The following SDHAF2 variants were observed in gnomAD, a reference collection of about 807,000 sequenced individuals.
SDHAF2 encodes the protein succinate dehydrogenase assembly factor 2, mitochondrial.
In SDHAF2, 21 loss-of-function variants were observed where a neutral mutation model predicts 18.5. The observed-to-expected ratio is 1.13, with a 90% confidence interval of 0.80 to 1.63. SDHAF2 has a LOEUF of 1.63. SDHAF2 is among the 40% of genes most tolerant of loss of function. SDHAF2 has a pLI of 0.00. For synonymous variants in SDHAF2, 84 were observed against 70.7 expected (o/e 1.19, Z -0.94); for missense variants, 195 against 200.3 (o/e 0.97, Z 0.16).
Position 61,446,142 on chromosome 11 carries a change from G to T in SDHAF2, c.*71G>T. 2.5e-6 allele frequency: 4 copies of T among 1,584,164 alleles called. No individual in the cohort carries two copies. The highest frequency in any genetic ancestry group is 3.5e-6 in the Non-Finnish European group (4 of 1,156,132). On this transcript the variant is annotated 3_prime_UTR_variant, in exon 4 of 4. Transcript: ENST00000301761. Reference sequence around the variant, plus strand: ...ACTACTTATGATGGACGTTAGCCTTGCTTCCGGCTTCTTAGATGCCCAGCT... The same window carrying T: ...ACTACTTATGATGGACGTTAGCCTTTCTTCCGGCTTCTTAGATGCCCAGCT...
At position 61,446,044 on chromosome 11, in the gene SDHAF2, T is replaced by C. The variant is rs1315164835; in HGVS notation, c.474T>C (p.Leu158=). ...NKEQRLRAPD[L]EYLFEKPR is the part of the protein sequence containing the mutation. ...AGCAGAGACTGCGTGCCCCAGATCT[T>C]GAGTACCTCTTTGAAAAGCCACGTT... Residue 158 remains leucine (L), a synonymous_variant, in exon 4 of 4, where the codon CTT becomes CTC. Transcript: ENST00000301761. 6.2e-7 allele frequency: 1 copy of C among 1,614,208 alleles called. No homozygotes were observed. Among genetic ancestry groups the C allele is most frequent in the Non-Finnish European group, 8.5e-7 (1 of 1,180,042 alleles).
chr11:61,444,702 C>T (rs1862116938), intron 3 of SDHAF2, among the ~76,000 whole-genome samples: 1 of 152,182 alleles, frequency 6.6e-6, no homozygotes, highest in South Asian at 2.1e-4. Context: ...CAGATCGCAC[C>T]ACTGCACTCC....
At chr11:61,434,122 G>T (rs1861965610) in intron 1 of SDHAF2, 1 of 152,204 alleles carries the variant, frequency 6.6e-6, no homozygotes, top group Non-Finnish European at 1.5e-5. Flanking sequence ...TGTTAATTGA[G>T]ATCTGTTAGG....
At chr11:61,438,235 C>A in intron 3 of SDHAF2, 122 bp downstream of exon 3, 1 of 782,078 alleles carries the variant, frequency 1.3e-6, no homozygotes, top group Non-Finnish European at 2.2e-6. Context: ...GTTTCACTCT[C>A]GTTGCCCAGG....
At position 61,441,882 on chromosome 11, in the gene SDHAF2, C is replaced by T. The variant is rs940581191; in HGVS notation, c.370+3769C>T. On this transcript the variant is annotated intron_variant, in intron 3 of 3. Coordinates refer to ENST00000301761, the MANE Select transcript of SDHAF2 (RefSeq NM_017841.4). ...TCTTCAAATTCCGCCCCCCACCACT[C>T]CTCCCTTTTTTTTTTTTTTGAGACA... Among the ~76,000 whole-genome samples, 3 of 115,434 alleles carry T rather than the reference C, an allele frequency of 2.6e-5. No homozygotes were observed. In the Admixed American group the frequency reaches 3.7e-4, roughly 14 times the overall value. 75.7% of individuals were successfully genotyped at this position (115,434 alleles called of 152,430 possible).
At chr11:61,430,287 C>T in intron 1 of SDHAF2, 105 bp downstream of exon 1, 1 of 1,474,626 alleles carries the variant, frequency 6.8e-7, no homozygotes, top group Non-Finnish European at 9.4e-7. Context: ...TGCCCGATAG[C>T]GCAGGGCAAG....
intron 1 of SDHAF2, chr11:61,436,658 A>G (rs907032613): frequency 2.7e-6 from 1 of 368,536 alleles, no homozygotes; most frequent in African/African-American, 2.1e-5. Flanking sequence ...GGAAGAGACT[A>G]TGGCAAATGA....
intron 1 of SDHAF2, chr11:61,436,958 C>T (rs928594371): frequency 4.0e-6 from 5 of 1,251,826 alleles, no homozygotes; most frequent in Non-Finnish European, 5.1e-6. Context: ...GGATTTGACA[C>T]AGGTGAGTGA....
Position 61,446,326 on chromosome 11 carries a change from G to A in SDHAF2, c.*255G>A, listed in dbSNP as rs1185839822. On this transcript the variant is annotated 3_prime_UTR_variant, in exon 4 of 4. Coordinates refer to ENST00000301761, the MANE Select transcript of SDHAF2 (RefSeq NM_017841.4). ...CAGCGCTGGCATGCAGGCTTTGCCT[G>A]GCTGCTATCTCTAGAGGCAAGTCTG... The A allele has an allele frequency of 8.2e-6, 5 of 606,858 alleles. No homozygotes were observed. Among genetic ancestry groups the A allele is most frequent in the South Asian group, 2.0e-5 (1 of 51,082 alleles). The allele number at this position is 606,858 out of a possible 1,614,324, so 37.6% of individuals were successfully genotyped here. A position where few individuals can be genotyped will look rare whatever the true frequency, so the allele number is the denominator to read the frequency against.
chr11:61,443,623 T>G (rs1195030081), intron 3 of SDHAF2, among the ~76,000 whole-genome samples: 1 of 152,232 alleles, frequency 6.6e-6, no homozygotes, highest in East Asian at 1.9e-4. Flanking sequence ...AGCGTTAACG[T>G]GTGCTTAGAG....
chr11:61,446,458 C>G lies in SDHAF2; in HGVS notation c.*387C>G. On this transcript the variant is annotated 3_prime_UTR_variant, in exon 4 of 4. Transcript: ENST00000301761. The stretch of plus-strand genomic sequence containing the variant: ...GCTGTGCGTGCTGTATGGAAAGCCT[C>G]CCGCCCTCCCTGCAGCTCCCCGCCC... 1 of 531,434 alleles carries G rather than the reference C, an allele frequency of 1.9e-6. No individual in the cohort carries two copies. The highest frequency in any genetic ancestry group is 3.3e-6 in the Non-Finnish European group (1 of 302,616). The allele number at this position is 531,434 out of a possible 1,614,324, so 32.9% of individuals were successfully genotyped here.
chr11:61,432,263 A>G (rs913587627), intron 1 of SDHAF2: 1 of 152,272 alleles, frequency 6.6e-6, no homozygotes, highest in Non-Finnish European at 1.5e-5. Flanking sequence ...AAAAATAAAT[A>G]AAATAGGGAA....
At chr11:61,443,483 T>C (rs1862095074) in intron 3 of SDHAF2, among the ~76,000 whole-genome samples, 1 of 152,248 alleles carries the variant, frequency 6.6e-6, no homozygotes, top group African/African-American at 2.4e-5. Flanking sequence ...CTCATAATTG[T>C]ATTTATGCTT....
intron 1 of SDHAF2, chr11:61,432,617 G>A (rs987831195): frequency 2.6e-5 from 4 of 151,974 alleles, no homozygotes; most frequent in Admixed American, 1.3e-4. Flanking sequence ...TGCTGTTGCC[G>A]TTTTGTAAAC....
chr11:61,436,925 A>C (rs554931503), intron 1 of SDHAF2: 1 of 1,283,916 alleles, frequency 7.8e-7, no homozygotes, highest in African/African-American at 1.5e-5. Flanking sequence ...GGGATTAGGG[A>C]TCATGCTGTC....
At chr11:61,438,203 T>TG (rs750848456) in intron 3 of SDHAF2, 90 bp downstream of exon 3, 3 of 911,246 alleles carry the variant, frequency 3.3e-6, no homozygotes, top group Non-Finnish European at 4.9e-6. Flanking sequence ...TTTTTTTCTT[T>TG]CTTTTTTTTT....
intron 3 of SDHAF2, among the ~76,000 whole-genome samples, chr11:61,442,153 A>G (rs895683035): frequency 1.3e-5 from 2 of 152,138 alleles, no homozygotes; most frequent in African/African-American, 4.8e-5. Flanking sequence ...TCGGCCTCCC[A>G]AAGTGCTGGG....
At chr11:61,437,482 G>C (rs970123402) in intron 1 of SDHAF2, 143 bp from the exon 2 acceptor site, 8 of 798,732 alleles carry the variant, frequency 1.0e-5, no homozygotes, top group Non-Finnish European at 1.8e-5. Flanking sequence ...GATTACAGGT[G>C]TGCGCCACCA....
Position 61,440,796 on chromosome 11 carries a change from CG to C in SDHAF2, c.370+2684del, listed in dbSNP as rs767063215. ...AAAGCAGCCACAGATAGCAGGTAAA[CG>C]AATATGATTGTGTTTCAATAAAACC... On this transcript the variant is annotated intron_variant, in intron 3 of 3. Transcript: ENST00000301761. Among the ~76,000 whole-genome samples, 5 of 152,144 alleles carry C rather than the reference CG, an allele frequency of 3.3e-5. No individual in the cohort carries two copies. In the East Asian group the frequency reaches 5.8e-4, roughly 18 times the overall value.
Sources: allele counts gnomAD v4.1 joint callset (sites outside exome capture counted in the v4.1 genomes callset), GRCh38; gene constraint gnomAD v4.1.1; transcripts MANE v1.5; gene names NCBI Gene and HGNC (gene_info 2026-07-23, HGNC 2026-07-21).